CLASP2: variants seen among roughly 807,000 people sequenced by gnomAD.
CLASP2 encodes the protein CLIP-associating protein 2.
In CLASP2, 47 loss-of-function variants were observed where a neutral mutation model predicts 194.4. The ratio of observed to expected loss-of-function variants is 0.24; its 90% CI spans 0.19 to 0.31. The LOEUF is 0.31. CLASP2 is among the 10% of genes least tolerant of loss of function. The pLI, the probability that CLASP2 is intolerant of heterozygous loss-of-function variation, is 1.00. For missense variants in CLASP2, 1,445 were observed against 1,823.6 expected (o/e 0.79, Z 3.78); for synonymous variants, 619 against 633.5 (o/e 0.98, Z 0.34).
At chr3:33,690,045 T>A (rs1261854207) in intron 2 of CLASP2, 113 bp from the exon 3 acceptor site, 9 of 628,486 alleles carry the variant, frequency 1.4e-5, no homozygotes, top group Non-Finnish European at 2.2e-5. Flanking sequence ...AGTTGTGAGG[T>A]AAAGAAATTG....
intron 27 of CLASP2, among the ~76,000 whole-genome samples, chr3:33,565,526 T>C (rs1328156270): frequency 1.3e-5 from 2 of 151,908 alleles, no homozygotes; most frequent in African/African-American, 4.8e-5. Flanking sequence ...AATAATACAG[T>C]ATATAGGCTG....
At chr3:33,543,229 G>A (rs551934783) in intron 32 of CLASP2, among the ~76,000 whole-genome samples, 24 of 152,162 alleles carry the variant, frequency 1.6e-4, no homozygotes, top group African/African-American at 2.6e-4. Flanking sequence ...AAAAATCAGC[G>A]GGGTGTGGTG....
intron 34 of CLASP2, among the ~76,000 whole-genome samples, chr3:33,519,516 G>A (rs2052366625): frequency 6.6e-6 from 1 of 152,000 alleles, no homozygotes; most frequent in Admixed American, 6.6e-5. Flanking sequence ...GTGCATGGGG[G>A]AGGAGAATAA....
intron 9 of CLASP2, among the ~76,000 whole-genome samples, chr3:33,629,051 C>T (rs993803572): frequency 5.3e-5 from 8 of 151,138 alleles, no homozygotes; most frequent in East Asian, 1.9e-4. Flanking sequence ...GGTGCCTCAA[C>T]GATGATCAGT....
At position 33,655,618 on chromosome 3, in the gene CLASP2, T is replaced by C. The variant is rs909504300; in HGVS notation, c.715+7827A>G. ...GCCAGTAAGTCAAATGGTTGCTTTC[T>C]TTCATTAATTTAAATTACCTGATCC... On this transcript the variant is annotated intron_variant, in intron 7 of 38. Coordinates refer to ENST00000682230, the MANE Select transcript of CLASP2 (RefSeq NM_001365631.1). 2.6e-5 allele frequency among the ~76,000 whole-genome samples: 4 copies of C among 152,322 alleles called. No homozygotes were observed. In the South Asian group the frequency reaches 8.3e-4, roughly 32 times the overall value.
chr3:33,512,868 T>C (rs1307299919), intron 36 of CLASP2, among the ~76,000 whole-genome samples: 1 of 152,014 alleles, frequency 6.6e-6, no homozygotes, highest in Admixed American at 6.6e-5. Flanking sequence ...CATGCACCTG[T>C]AGTCCCAGCT....
chr3:33,547,840 G>A (rs1268324725), intron 30 of CLASP2, among the ~76,000 whole-genome samples: 1 of 149,092 alleles, frequency 6.7e-6, no homozygotes, highest in Non-Finnish European at 1.5e-5. Flanking sequence ...TCGGGCTGGA[G>A]TGCAGTGGTG....
intron 10 of CLASP2, among the ~76,000 whole-genome samples, chr3:33,625,618 A>G (rs1463868328): frequency 2.6e-5 from 4 of 151,080 alleles, no homozygotes; most frequent in Admixed American, 1.3e-4. Flanking sequence ...ATATCTTGTC[A>G]TATATGTTTA....
Position 33,547,712 on chromosome 3 carries a change from TATTA to T in CLASP2, c.3154-2875_3154-2872del, listed in dbSNP as rs375439557. ...TTTGGAAGAATGTGTGAAGAATTGATATTAATTGTTTGGTGGAATTTACCACCAG... is the reference window on the plus strand; with the variant it reads ...TTTGGAAGAATGTGTGAAGAATTGATATTGTTTGGTGGAATTTACCACCAG... On this transcript the variant is annotated intron_variant, in intron 30 of 38. Transcript: ENST00000682230. 3.1e-4 allele frequency among the ~76,000 whole-genome samples: 47 copies of T among 152,284 alleles called. 1 individual carries two copies. The highest frequency in any genetic ancestry group is 3.4e-3 in the Middle Eastern group (1 of 294).
intron 23 of CLASP2, among the ~76,000 whole-genome samples, chr3:33,580,606 A>G (rs942648918): frequency 6.6e-6 from 1 of 152,012 alleles, no homozygotes. Flanking sequence ...CTATACTACC[A>G]TATGTATCTG....
chr3:33,537,846 C>A (rs374323925), intron 33 of CLASP2, among the ~76,000 whole-genome samples: 1 of 152,064 alleles, frequency 6.6e-6, no homozygotes, highest in South Asian at 2.1e-4. Flanking sequence ...TGTGTTCTTA[C>A]AAGACTCAAT....
At chr3:33,690,282 T>C (rs1024205073) in intron 2 of CLASP2, among the ~76,000 whole-genome samples, 1 of 152,172 alleles carries the variant, frequency 6.6e-6, no homozygotes, top group African/African-American at 2.4e-5. Flanking sequence ...AAAATTATCT[T>C]CCTGTAATCC....
chr3:33,496,699 C>G lies in CLASP2; in HGVS notation c.*1932G>C, dbSNP rs1025227068. 4.6e-5 allele frequency: 7 copies of G among 152,046 alleles called. No individual in the cohort carries two copies. Among genetic ancestry groups the G allele is most frequent in the African/African-American group, 9.7e-5 (4 of 41,410 alleles). The allele number at this position is 152,046 out of a possible 1,614,324, so 9.4% of individuals were successfully genotyped here. ...TAAAGCAGTATCTTAAACCAGAGGT[C>G]AAAATTAAATCAATATTTTGATTCG... is the stretch of plus-strand genomic sequence containing the variant. On this transcript the variant is annotated 3_prime_UTR_variant, in exon 39 of 39. Transcript: ENST00000682230.
At chr3:33,649,056 CTTCT>C (rs2082738489) in intron 7 of CLASP2, among the ~76,000 whole-genome samples, 1 of 152,192 alleles carries the variant, frequency 6.6e-6, no homozygotes, top group Non-Finnish European at 1.5e-5. Flanking sequence ...TTATCTCCTA[CTTCT>C]TTCTCTCTAA....
At chr3:33,602,688 T>A in intron 18 of CLASP2, 1 of 695,590 alleles carries the variant, frequency 1.4e-6, no homozygotes. Flanking sequence ...CTAGATGTGG[T>A]AGAAGTGCAG....
chr3:33,611,179 C>T (rs556453770), intron 13 of CLASP2, among the ~76,000 whole-genome samples: 13 of 152,234 alleles, frequency 8.5e-5, no homozygotes, highest in African/African-American at 2.4e-4. Context: ...CAAAGGCTAT[C>T]GCAACCTTAC....
intron 10 of CLASP2, among the ~76,000 whole-genome samples, chr3:33,623,164 A>C (rs1280666634): frequency 2.6e-5 from 4 of 152,202 alleles, no homozygotes; most frequent in Non-Finnish European, 5.9e-5. Flanking sequence ...CATTTTTATG[A>C]AGTACATGTG....
At chr3:33,597,333 GAC>G (rs1188108570) in intron 18 of CLASP2, among the ~76,000 whole-genome samples, 1 of 152,168 alleles carries the variant, frequency 6.6e-6, no homozygotes, top group African/African-American at 2.4e-5. Context: ...ATAAATATCT[GAC>G]TTGGTGTTTA....
At chr3:33,547,837 G>C (rs2059393927) in intron 30 of CLASP2, among the ~76,000 whole-genome samples, 2 of 146,826 alleles carry the variant, frequency 1.4e-5, no homozygotes, top group African/African-American at 5.0e-5. Flanking sequence ...CACTCGGGCT[G>C]GAGTGCAGTG....
Sources: gnomAD v4.1 joint callset for allele counts (sites outside exome capture counted in the v4.1 genomes callset) on GRCh38, gnomAD v4.1.1 for gene constraint, MANE v1.5 for transcripts, NCBI Gene and HGNC (gene_info 2026-07-23, HGNC 2026-07-21) for gene names.